Variants in MYBBP1A observed in about 807,000 individuals in gnomAD.
MYBBP1A encodes the protein MYB binding protein 1a, also known as myb-binding protein 1A.
Under a neutral mutation model 136.3 loss-of-function variants are expected in MYBBP1A, and 147 were observed. The observed-to-expected ratio is 1.08, with a 90% CI of 0.94 to 1.24. MYBBP1A has a LOEUF of 1.24. MYBBP1A is among the 50% of genes most tolerant of loss of function. The pLI is 0.00. For missense variants in MYBBP1A, 2,060 were observed against 1,727.4 expected, an observed-to-expected ratio of 1.19 and a Z score of -3.41; for synonymous variants, 947 against 735.8, an observed-to-expected ratio of 1.29 and a Z score of -4.65.
At chr17:4,547,480 C>T (rs1436249315) in intron 13 of MYBBP1A, among the ~76,000 whole-genome samples, 2 of 152,180 alleles carry the variant, frequency 1.3e-5, no homozygotes, top group African/African-American at 4.8e-5. Context: ...AAGCAAGAGA[C>T]CCACCTACTC....
At chr17:4,549,560 C>A (rs1405713561) in intron 9 of MYBBP1A, 118 bp from the exon 10 acceptor site, 2 of 825,832 alleles carry the variant, frequency 2.4e-6, no homozygotes, top group Admixed American at 4.4e-5. Context: ...GCCAATCACT[C>A]GAGGTCAGGA....
At position 4,548,478 on chromosome 17, in the gene MYBBP1A, A is replaced by G. The variant is rs757343356; in HGVS notation, c.1556+46T>C. 48 of 1,612,710 alleles carry G rather than the reference A, an allele frequency of 3.0e-5. No individual in the cohort carries two copies. The highest frequency in any genetic ancestry group is 4.0e-5 in the Non-Finnish European group (47 of 1,179,932). On this transcript the variant is annotated intron_variant, in intron 11 of 25. Coordinates refer to ENST00000254718, the MANE Select transcript of MYBBP1A (RefSeq NM_014520.4). This position sits in a 1 kb window ranked among gnomAD's most constrained non-coding sequence, Gnocchi z 4.2. ...GGACCTGGAGGGAGCAGGCGCCCTC[A>G]AGGCCTTCCCACCTTCGGACCTCTC...
intron 24 of MYBBP1A, 58 bp from the exon 25 acceptor site, chr17:4,540,542 C>T (rs1906318694): frequency 2.7e-6 from 4 of 1,506,062 alleles, no homozygotes; most frequent in Non-Finnish European, 3.5e-6. Flanking sequence ...CTCTCGCGGG[C>T]TCCCAGTCTT....
rs373020054 is a variant in MYBBP1A at position 4,543,145 on chromosome 17, C to A, written c.2660G>T (p.Arg887Leu). ...CTCACCCAAGTCGTGGCAGTAGCGC[C>A]GGGCACGGCACAGGTGGTGCCTGTG... ...RIFTHHLCRA[R>L]RYCHDLGERA... Residue 887 changes from arginine to leucine, a missense_variant, in exon 20 of 26, where the codon CGG (arginine) becomes CTG (leucine). Physicochemically the swap from Arg to Leu is moderately radical, Grantham distance 102 (BLOSUM62 -2). Coordinates refer to ENST00000254718, the MANE Select transcript of MYBBP1A (RefSeq NM_014520.4). 60 of 1,608,738 alleles carry A rather than the reference C, an allele frequency of 3.7e-5. No individual in the cohort carries two copies. Among genetic ancestry groups the A allele is most frequent in the Non-Finnish European group, 4.8e-5 (57 of 1,177,996 alleles).
chr17:4,551,440 G>A (rs889066080), intron 8 of MYBBP1A, among the ~76,000 whole-genome samples: 8 of 152,244 alleles, frequency 5.3e-5, no homozygotes, highest in Non-Finnish European at 1.0e-4. Flanking sequence ...CAGGTACAGT[G>A]GCTCACGTCT....
intron 8 of MYBBP1A, among the ~76,000 whole-genome samples, chr17:4,550,771 C>T (rs1907439531): frequency 1.3e-5 from 2 of 152,262 alleles, no homozygotes. Flanking sequence ...AATTCCTAGC[C>T]GTGTCATCTT....
chr17:4,547,239 A>G (rs982315571), intron 13 of MYBBP1A, among the ~76,000 whole-genome samples: 1 of 152,118 alleles, frequency 6.6e-6, no homozygotes, highest in Non-Finnish European at 1.5e-5. Flanking sequence ...GCTCTGACAC[A>G]GCAAACTGCA....
chr17:4,539,246 G>A lies in MYBBP1A; in HGVS notation c.*169C>T, dbSNP rs1050712860. Reference sequence around the variant, plus strand: ...CTGGGACCCCTGCAGGAATGGCTCAGGCTGTGCTTGCCAGAGCAGGATGCC... The same window carrying A: ...CTGGGACCCCTGCAGGAATGGCTCAAGCTGTGCTTGCCAGAGCAGGATGCC... On this transcript the variant is annotated 3_prime_UTR_variant, in exon 26 of 26. Coordinates refer to ENST00000254718, the MANE Select transcript of MYBBP1A (RefSeq NM_014520.4). 2.7e-6 allele frequency: 4 copies of A among 1,482,006 alleles called. No individual in the cohort carries two copies. In the African/African-American group the frequency reaches 5.6e-5, roughly 21 times the overall value. The allele number at this position is 1,482,006 out of a possible 1,614,324, so 91.8% of individuals were successfully genotyped here. A position where few individuals can be genotyped will look rare whatever the true frequency, so the allele number is the denominator to read the frequency against.
In MYBBP1A at chr17:4,544,604, T is replaced by G; in HGVS notation, c.2524A>C (p.Asn842His). ...VEVLVTKQPE[N>H]ALVLELLEPL... ...TCCAGCAGCTCCAGGACCAGGGCATTCTCGGGCTGCTTGGTCACTAGCACC... is the reference window on the plus strand; with the variant it reads ...TCCAGCAGCTCCAGGACCAGGGCATGCTCGGGCTGCTTGGTCACTAGCACC... The change falls in exon 19 of 26, where the codon AAT (asparagine) becomes CAT (histidine). Residue 842 changes from asparagine (N) to histidine (H), a missense_variant. By Grantham distance (68) the Asn-to-His change is moderately conservative. Transcript: ENST00000254718. 6.3e-7 allele frequency: 1 copy of G among 1,586,356 alleles called. No individual in the cohort carries two copies. The highest frequency in any genetic ancestry group is 8.6e-7 in the Non-Finnish European group (1 of 1,166,552).
At chr17:4,542,851 C>A (rs574863326) in intron 20 of MYBBP1A, 62 bp downstream of exon 20, 1 of 1,605,074 alleles carries the variant, frequency 6.2e-7, no homozygotes, top group South Asian at 1.1e-5. Flanking sequence ...CTGGGGAAGT[C>A]CCGGCCTCCA....
Position 4,554,914 on chromosome 17 carries a change from G to C in MYBBP1A, c.241C>G (p.Leu81Val), listed in dbSNP as rs755630029. ...KYALKRLITG[L>V]GVGRETARPC... is the part of the protein sequence containing the mutation. The stretch of plus-strand genomic sequence containing the variant: ...CGGGCTGTTTCTCGCCCGACCCCGA[G>C]TCCCGTGATTAGACGCTTCAGGGCA... The change falls in exon 2 of 26, where the codon CTC becomes GTC. Residue 81 changes from leucine to valine, a missense_variant. Physicochemically the swap from Leu to Val is conservative, Grantham distance 32. Transcript: ENST00000254718. 6.2e-7 allele frequency: 1 copy of C among 1,613,564 alleles called. No homozygotes were observed. The highest frequency in any genetic ancestry group is 8.5e-7 in the Non-Finnish European group (1 of 1,180,022).
At position 4,543,310 on chromosome 17, in the gene MYBBP1A, A is replaced by G. The variant is rs1030623016; in HGVS notation, c.2640-145T>C. 1.0e-5 allele frequency: 12 copies of G among 1,150,566 alleles called. No individual in the cohort carries two copies. The African/African-American group carries it at 1.9e-4, about 18-fold the overall frequency. 71.3% of individuals were successfully genotyped at this position (1,150,566 alleles called of 1,614,324 possible). On this transcript the variant is annotated intron_variant, in intron 19 of 25. Transcript: ENST00000254718. ...CGACCCAGGCCACAGAGGAGGGCCC[A>G]GGGCCGCCTGCAGGCTGCCTGGAAG...
rs1907658296 is a variant in MYBBP1A at position 4,552,883 on chromosome 17, G to A, written c.562-257C>T. 6.6e-6 allele frequency among the ~76,000 whole-genome samples: 1 copy of A among 151,208 alleles called. No individual in the cohort carries two copies. The highest frequency in any genetic ancestry group is 1.5e-5 in the Non-Finnish European group (1 of 67,918). On this transcript the variant is annotated intron_variant, in intron 5 of 25. Transcript: ENST00000254718. This position sits in a 1 kb window ranked among gnomAD's most constrained non-coding sequence, Gnocchi z 4.7. ...AGAGTCTCACTTTGCCACCCAGGCT[G>A]AGTATAGTGGTGTGATCTTGGCTCA...
intron 5 of MYBBP1A, among the ~76,000 whole-genome samples, chr17:4,553,476 A>G (rs767787447): frequency 1.3e-5 from 2 of 152,238 alleles, no homozygotes; most frequent in African/African-American, 2.4e-5. Flanking sequence ...GAGCGCCTGA[A>G]AGGTGGCTAA....
rs1419509629 is a variant in MYBBP1A, at chr17:4,540,221, TGTGTGCAGCAGCATGCGTGTGCAGTGTGC to T, written c.3434+98_3434+126del. On this transcript the variant is annotated intron_variant, in intron 25 of 25. Transcript: ENST00000254718. ...ATCTGAGAATGCGCTTGAGTGCATG[TGTGTGCAGCAGCATGCGTGTGCAGTGTGC>T]GTGTGCAGCAGCGTGTGTGCAGCGT... is the stretch of plus-strand genomic sequence containing the variant. 399 of 1,318,952 alleles carry T rather than the reference TGTGTGCAGCAGCATGCGTGTGCAGTGTGC, an allele frequency of 3.0e-4. No homozygotes were observed. The South Asian group carries it at 3.9e-3, about 13-fold the overall frequency. The allele number at this position is 1,318,952 out of a possible 1,614,324, so 81.7% of individuals were successfully genotyped here.
chr17:4,554,748 C>G (rs1284528872), intron 2 of MYBBP1A, 113 bp downstream of exon 2: 1 of 1,034,364 alleles, frequency 9.7e-7, no homozygotes, highest in Non-Finnish European at 1.4e-6. Flanking sequence ...CTGCCACTCC[C>G]GACCTCTCTC....
At position 4,539,724 on chromosome 17, in the gene MYBBP1A, C is replaced by CCCGTTTG. The variant is rs1161719211; in HGVS notation, c.3671_3677dup (p.Thr1227LysfsTer120). 2.2e-5 allele frequency: 36 copies of CCCGTTTG among 1,609,522 alleles called. No individual in the cohort carries two copies. The highest frequency in any genetic ancestry group is 3.0e-5 in the Non-Finnish European group (35 of 1,177,162). ...GGGCTGGACTCTTGGTGGTTGGCGT[C>CCCGTTTG]CCGTTTGCCTGGGCTGGGACCTTAG... On this transcript the variant is annotated frameshift_variant, in exon 26 of 26. Coordinates refer to ENST00000254718, the MANE Select transcript of MYBBP1A (RefSeq NM_014520.4). LOFTEE classifies it low-confidence loss of function (END_TRUNC).
chr17:4,549,513 A>G, intron 9 of MYBBP1A, 71 bp from the exon 10 acceptor site: 1 of 1,386,324 alleles, frequency 7.2e-7, no homozygotes, highest in Non-Finnish European at 1.0e-6. Flanking sequence ...CCAGTGGCTC[A>G]CACCTGTAAT....
chr17:4,547,886 A>G, intron 13 of MYBBP1A, 72 bp downstream of exon 13: 1 of 1,300,880 alleles, frequency 7.7e-7, no homozygotes, highest in Non-Finnish European at 1.0e-6. Flanking sequence ...AGCCCTCAAA[A>G]GCCTCTCGGT....
Sources: gnomAD v4.1 joint callset for allele counts (sites outside exome capture counted in the v4.1 genomes callset) on GRCh38, gnomAD v4.1.1 for gene constraint, Gnocchi (gnomAD v3.1) non-coding constraint, MANE v1.5 for transcripts, NCBI Gene and HGNC (gene_info 2026-07-23, HGNC 2026-07-21) for gene names.